ARL10: variants seen among roughly 807,000 people sequenced by gnomAD.
ARL10 encodes ADP-ribosylation factor-like protein 10.
ARL10 carries 23 observed loss-of-function variants against 26.1 expected under a neutral mutation model. That is an observed-to-expected ratio of 0.88 (90% CI 0.63 to 1.25). The LOEUF is 1.25. ARL10 is among the 50% of genes most tolerant of loss of function. The pLI, the probability that ARL10 is intolerant of heterozygous loss-of-function variation, is 0.00. For synonymous variants in ARL10, 138 were observed against 149.1 expected, an observed-to-expected ratio of 0.93 and a Z score of 0.54; for missense variants, 300 against 323.6, an observed-to-expected ratio of 0.93 and a Z score of 0.56.
intron 1 of ARL10, among the ~76,000 whole-genome samples, chr5:176,387,414 G>C (rs912868604): frequency 3.3e-5 from 5 of 152,234 alleles, no homozygotes; most frequent in African/African-American, 9.6e-5. Flanking sequence ...GATGTGACAT[G>C]TTCTCAATAA....
At chr5:176,390,532 C>G (rs1271414239), downstream of ARL10, among the ~76,000 whole-genome samples, 1 of 152,168 alleles carries the variant, frequency 6.6e-6, no homozygotes, top group Non-Finnish European at 1.5e-5. Context: ...CGGGCTCAAG[C>G]AATTTTCCTG....
chr5:176,398,661 G>A (rs923363905), intron 1 of ARL10, among the ~76,000 whole-genome samples: 4 of 150,854 alleles, frequency 2.7e-5, no homozygotes, highest in Admixed American at 1.3e-4. Flanking sequence ...GCAGTGAGCC[G>A]AGATCACACC....
chr5:176,406,390 T>C (rs1757121823), downstream of ARL10: 2 of 1,150,260 alleles, frequency 1.7e-6, no homozygotes, highest in South Asian at 1.7e-5. Flanking sequence ...TGAGAACCTC[T>C]GTGGACCCAC....
rs774607682 is a variant in ARL10 at position 176,366,422 on chromosome 5, G to T, written c.226G>T (p.Glu76Ter). Residue 76 changes from glutamate to a stop codon, truncating the protein, a stop_gained, in exon 2 of 4, where the codon GAA becomes TAA. Coordinates refer to ENST00000310389, the MANE Select transcript of ARL10 (RefSeq NM_173664.6). LOFTEE classifies it high-confidence loss of function. ...EDEEPALEEL[E>*]QREVLVLGLD... ...CGAGGAGCCGGCGCTGGAGGAGCTGGAACAGCGCGAGGTGCTGGTGCTGGG... is the reference window on the plus strand; with the variant it reads ...CGAGGAGCCGGCGCTGGAGGAGCTGTAACAGCGCGAGGTGCTGGTGCTGGG... 1 of 1,612,444 alleles carries T rather than the reference G, an allele frequency of 6.2e-7. No individual in the cohort carries two copies. Among genetic ancestry groups the T allele is most frequent in the Admixed American group, 1.7e-5 (1 of 59,956 alleles).
Position 176,366,394 on chromosome 5 carries a change from G to A in ARL10, c.198G>A (p.Glu66=). Residue 66 remains glutamate, a synonymous_variant, in exon 2 of 4, where the codon GAG becomes GAA. Transcript: ENST00000310389. ...CTTCCCCGCAGCCCGAGGACGAGGA[G>A]GACGAGGAGCCGGCGCTGGAGGAGC... is the stretch of plus-strand genomic sequence containing the variant. ...EWDEWDPEDE[E]DEEPALEELE... is the part of the protein sequence containing the mutation. 6.2e-7 allele frequency: 1 copy of A among 1,610,016 alleles called. No homozygotes were observed. Among genetic ancestry groups the A allele is most frequent in the Non-Finnish European group, 8.5e-7 (1 of 1,179,398 alleles).
intron 3 of ARL10, chr5:176,369,314 C>T: frequency 3.5e-6 from 3 of 859,290 alleles, no homozygotes; most frequent in African/African-American, 1.8e-5. Context: ...CTCACTGCAA[C>T]CTCCACCTCC....
chr5:176,377,481 C>G lies in ARL10; in HGVS notation c.*5586C>G, dbSNP rs535629043. The G allele has an allele frequency of 6.6e-5, 10 of 152,340 alleles. No individual in the cohort carries two copies. Among genetic ancestry groups the G allele is most frequent in the Admixed American group, 3.3e-4 (5 of 15,300 alleles). The allele number at this position is 152,340 out of a possible 1,614,324, so 9.4% of individuals were successfully genotyped here. A position where few individuals can be genotyped will look rare whatever the true frequency, so the allele number is the denominator to read the frequency against. On this transcript the variant is annotated 3_prime_UTR_variant, in exon 4 of 4. Transcript: ENST00000310389. The surrounding 1 kb of genome is among the most constrained non-coding windows in gnomAD (Gnocchi z 4.5). ...CTGCCATAGCATCAGCTCTCCTACA[C>G]AGGAAAGCTTCTATCCAACCAGAAA...
chr5:176,388,895 C>A, downstream of ARL10: 1 of 1,614,154 alleles, frequency 6.2e-7, no homozygotes, highest in Non-Finnish European at 8.5e-7. Context: ...GGGGCTGAGC[C>A]CCACTGTTTA....
At chr5:176,385,195 C>T (rs2113580901), downstream of ARL10, 1 of 1,397,004 alleles carries the variant, frequency 7.2e-7, no homozygotes, top group Non-Finnish European at 1.0e-6. Context: ...CCTTCCCAGC[C>T]AGCCCACGGG....
At chr5:176,371,408 A>G (rs1768537219) in intron 3 of ARL10, among the ~76,000 whole-genome samples, 1 of 152,118 alleles carries the variant, frequency 6.6e-6, no homozygotes, top group African/African-American at 2.4e-5. Context: ...GATGCAATGA[A>G]AAGAGGTTGG....
At chr5:176,388,676 G>C, downstream of ARL10, 2 of 1,339,398 alleles carry the variant, frequency 1.5e-6, no homozygotes, top group Non-Finnish European at 2.1e-6. Flanking sequence ...GCACTACCGT[G>C]CTGAGCACTA....
downstream of ARL10, chr5:176,392,675 T>C (rs1217285043): frequency 5.0e-6 from 7 of 1,386,770 alleles, no homozygotes; most frequent in African/African-American, 1.4e-5. The surrounding 1 kb of genome is among the most constrained non-coding windows in gnomAD (Gnocchi z 5.2). Flanking sequence ...GAATAGGCTG[T>C]GGGTAGCAGC....
At chr5:176,408,181 G>A in the ARL10 span, among the ~76,000 whole-genome samples, 13 of 151,970 alleles carry the variant, frequency 8.6e-5, no homozygotes, top group South Asian at 2.1e-4. Context: ...AGGTGGGTGC[G>A]GACAGAAGCA....
At chr5:176,395,441 G>C (rs932548948) in intron 1 of ARL10, among the ~76,000 whole-genome samples, 1 of 152,206 alleles carries the variant, frequency 6.6e-6, no homozygotes, top group Non-Finnish European at 1.5e-5. Flanking sequence ...ATGAGGGAGA[G>C]TGGAAGGAAG....
At chr5:176,384,434 C>T (rs1253560170), downstream of ARL10, 5 of 1,531,120 alleles carry the variant, frequency 3.3e-6, no homozygotes, top group Non-Finnish European at 4.4e-6. Flanking sequence ...AATCTGAACT[C>T]ATCCTGAATT....
chr5:176,395,646 C>A (rs765833940), intron 1 of ARL10, among the ~76,000 whole-genome samples: 13 of 152,162 alleles, frequency 8.5e-5, no homozygotes, highest in Non-Finnish European at 1.2e-4. Context: ...TTTGCCAACC[C>A]TGGTCTTGAT....
downstream of ARL10, among the ~76,000 whole-genome samples, chr5:176,403,561 T>A (rs1236014516): frequency 2.0e-5 from 3 of 151,642 alleles, no homozygotes; most frequent in African/African-American, 7.3e-5. Context: ...TTCAAGCAAT[T>A]CTCCTCCTCA....
chr5:176,398,878 T>C (rs1191978538), intron 1 of ARL10, among the ~76,000 whole-genome samples: 1 of 151,976 alleles, frequency 6.6e-6, no homozygotes, highest in African/African-American at 2.4e-5. Flanking sequence ...AGTGTCCCTC[T>C]GTTTCCCAGG....
the ARL10 span, chr5:176,407,430 A>T: frequency 6.6e-6 from 1 of 152,294 alleles, no homozygotes; most frequent in South Asian, 2.1e-4. Flanking sequence ...CAGCCTCCTG[A>T]GTAGCTGGGA....
Sources: allele counts gnomAD v4.1 joint callset (sites outside exome capture counted in the v4.1 genomes callset), GRCh38; gene constraint gnomAD v4.1.1; non-coding constraint Gnocchi (gnomAD v3.1); transcripts MANE v1.5; gene names NCBI Gene and HGNC (gene_info 2026-07-23, HGNC 2026-07-21).